Variants in IFT43 observed in about 807,000 individuals in gnomAD.
The protein encoded by IFT43 is intraflagellar transport protein 43 homolog.
A neutral mutation model predicts 32.3 loss-of-function variants in IFT43; 33 were observed. The observed-to-expected ratio is 1.02, with a 90% CI of 0.77 to 1.37. The LOEUF (loss-of-function observed/expected upper bound fraction) is 1.37. IFT43 is among the 40% of genes most tolerant of loss of function. The pLI, the probability that IFT43 is intolerant of heterozygous loss-of-function variation, is 0.00. For missense variants in IFT43, 274 were observed against 265.9 expected (o/e 1.03, Z -0.21); for synonymous variants, 93 against 98.2 (o/e 0.95, Z 0.31).
intron 3 of IFT43, chr14:76,058,106 C>G (rs78887471): frequency 5.3e-6 from 1 of 190,452 alleles, no homozygotes; most frequent in African/African-American, 2.4e-5. Context: ...ACCATAGATA[C>G]GCGTGTATCA....
chr14:76,003,684 A>G (rs1050126939), intron 2 of IFT43, among the ~76,000 whole-genome samples: 3 of 152,070 alleles, frequency 2.0e-5, no homozygotes, highest in Admixed American at 6.6e-5. Context: ...TGCAGCCATT[A>G]AGTCCATTTG....
At chr14:76,053,839 T>C (rs2140039419) in intron 3 of IFT43, among the ~76,000 whole-genome samples, 1 of 152,310 alleles carries the variant, frequency 6.6e-6, no homozygotes, top group Non-Finnish European at 1.5e-5. Flanking sequence ...TCTGGATTGC[T>C]CTGGGCCTGG....
rs368435387 is a variant in IFT43 at position 76,016,256 on chromosome 14, G to T, written c.148-6071G>T. ...TATATGGTGAGAGATGGGGGCTCTG[G>T]TTTTATTCTTCTGTGTATGGAAATC... is the stretch of plus-strand genomic sequence containing the variant. On this transcript the variant is annotated intron_variant, in intron 2 of 8. Coordinates refer to ENST00000314067, the MANE Select transcript of IFT43 (RefSeq NM_001102564.3). 1.2e-3 allele frequency among the ~76,000 whole-genome samples: 188 copies of T among 152,180 alleles called. 5 individuals are homozygous for T. The South Asian group carries it at 0.037, about 30-fold the overall frequency.
chr14:76,057,015 C>G (rs1460008696), intron 3 of IFT43, among the ~76,000 whole-genome samples: 2 of 152,172 alleles, frequency 1.3e-5, no homozygotes, highest in East Asian at 3.9e-4. Flanking sequence ...TGCTGAGTCT[C>G]CTTTATCTCT....
intron 2 of IFT43, among the ~76,000 whole-genome samples, chr14:76,010,902 T>TA (rs1353257078): frequency 0.027 from 3,977 of 147,582 alleles, 164 homozygotes; most frequent in African/African-American, 0.081. Flanking sequence ...CCCTCACTTC[T>TA]CCTTTTTTTT....
intron 6 of IFT43, 108 bp downstream of exon 6, chr14:76,082,475 G>C (rs1485885613): frequency 8.3e-7 from 1 of 1,204,384 alleles, no homozygotes; most frequent in African/African-American, 1.5e-5. Context: ...TCTGGTGTTG[G>C]GCTCCATCCA....
chr14:76,076,073 T>G (rs1443100320), intron 5 of IFT43, among the ~76,000 whole-genome samples: 1 of 152,204 alleles, frequency 6.6e-6, no homozygotes, highest in Non-Finnish European at 1.5e-5. Flanking sequence ...AACTTGGCTG[T>G]GTATGGTGGA....
intron 2 of IFT43, among the ~76,000 whole-genome samples, chr14:75,991,966 A>G (rs1240685481): frequency 2.0e-5 from 3 of 152,152 alleles, no homozygotes; most frequent in South Asian, 2.1e-4. Flanking sequence ...GTGTGTGCCC[A>G]TTTACATTCC....
chr14:76,030,052 T>C (rs183519518), intron 3 of IFT43, among the ~76,000 whole-genome samples: 93 of 151,860 alleles, frequency 6.1e-4, no homozygotes, highest in Non-Finnish European at 9.7e-4. Flanking sequence ...GGCTAATTTT[T>C]TTAAATTCTT....
intron 3 of IFT43, chr14:76,058,229 C>A (rs781415524): frequency 1.5e-5 from 4 of 264,004 alleles, no homozygotes; most frequent in Non-Finnish European, 2.9e-5. Flanking sequence ...GAGGCGAGGA[C>A]ATCCCTTTTT....
intron 5 of IFT43, among the ~76,000 whole-genome samples, chr14:76,069,077 A>C (rs547231470): frequency 3.3e-5 from 5 of 152,224 alleles, no homozygotes; most frequent in Non-Finnish European, 7.3e-5. Flanking sequence ...CAACTGGCTC[A>C]TGGTTCTGCA....
At chr14:75,996,320 G>A (rs762158111) in intron 2 of IFT43, among the ~76,000 whole-genome samples, 10 of 152,180 alleles carry the variant, frequency 6.6e-5, no homozygotes, top group Admixed American at 2.6e-4. Flanking sequence ...CTTAACTACT[G>A]TAAGCCAGTT....
intron 2 of IFT43, among the ~76,000 whole-genome samples, chr14:75,991,396 T>A (rs1422913040): frequency 7.4e-6 from 1 of 134,350 alleles, no homozygotes; most frequent in Non-Finnish European, 1.7e-5. Flanking sequence ...AGAGTGTGTG[T>A]GTGTGTGTGT....
chr14:76,054,380 A>G (rs1047656765), intron 3 of IFT43, among the ~76,000 whole-genome samples: 1 of 152,238 alleles, frequency 6.6e-6, no homozygotes, highest in Non-Finnish European at 1.5e-5. Flanking sequence ...GGGATATTAG[A>G]TAATCAACTG....
At chr14:76,035,449 CTCTT>C (rs533874654) in intron 3 of IFT43, among the ~76,000 whole-genome samples, 2 of 152,252 alleles carry the variant, frequency 1.3e-5, no homozygotes, top group African/African-American at 4.8e-5. Context: ...TCCTCCTTCT[CTCTT>C]TCTCTCTCTC....
chr14:76,031,426 C>G (rs2036508286), intron 3 of IFT43, among the ~76,000 whole-genome samples: 1 of 152,174 alleles, frequency 6.6e-6, no homozygotes, highest in Admixed American at 6.5e-5. Flanking sequence ...GTCTCTATTC[C>G]TAGGCTATTA....
chr14:76,080,443 C>T (rs1594869731), intron 5 of IFT43, among the ~76,000 whole-genome samples: 1 of 152,218 alleles, frequency 6.6e-6, no homozygotes. Context: ...TGCAATTCCT[C>T]AGAGCCCCAA....
At chr14:75,987,558 T>A (rs2035552981) in intron 1 of IFT43, among the ~76,000 whole-genome samples, 1 of 152,190 alleles carries the variant, frequency 6.6e-6, no homozygotes, top group African/African-American at 2.4e-5. Context: ...AGGCCTCAGT[T>A]TCCTCCTTTG....
At chr14:76,004,532 T>G (rs901179389) in intron 2 of IFT43, among the ~76,000 whole-genome samples, 1 of 152,174 alleles carries the variant, frequency 6.6e-6, no homozygotes, top group African/African-American at 2.4e-5. Context: ...TGTTTAGGAT[T>G]TGCTAAGGTT....
Sources: allele counts gnomAD v4.1 joint callset (sites outside exome capture counted in the v4.1 genomes callset), GRCh38; gene constraint gnomAD v4.1.1; transcripts MANE v1.5; gene names NCBI Gene and HGNC (gene_info 2026-07-23, HGNC 2026-07-21).